The following ZNF366 variants were observed in gnomAD, a reference collection of about 807,000 sequenced individuals.
ZNF366 encodes the protein zinc finger protein 366.
In ZNF366, 20 loss-of-function variants were observed where a neutral mutation model predicts 47.2. The ratio of observed to expected loss-of-function variants is 0.42; its 90% CI spans 0.30 to 0.62. The LOEUF is 0.62. ZNF366 is among the 20% of genes least tolerant of loss of function. The pLI is 0.16. For synonymous variants in ZNF366, 421 were observed against 395.1 expected, an observed-to-expected ratio of 1.07 and a Z score of -0.78; for missense variants, 987 against 976.3, an observed-to-expected ratio of 1.01 and a Z score of -0.15.
intron 1 of ZNF366, among the ~76,000 whole-genome samples, chr5:72,476,782 C>T (rs1743681805): frequency 6.6e-6 from 1 of 152,192 alleles, no homozygotes; most frequent in Admixed American, 6.5e-5. Flanking sequence ...CACATCAAGA[C>T]CCTGCCCAGC....
At chr5:72,445,133 C>A (rs1742933429) in intron 4 of ZNF366, among the ~76,000 whole-genome samples, 1 of 152,206 alleles carries the variant, frequency 6.6e-6, no homozygotes, top group Non-Finnish European at 1.5e-5. Flanking sequence ...CTGTGTCTGA[C>A]CTCCAGTGTC....
At chr5:72,492,721 T>C (rs1295460680) in intron 1 of ZNF366, among the ~76,000 whole-genome samples, 1 of 152,270 alleles carries the variant, frequency 6.6e-6, no homozygotes, top group Non-Finnish European at 1.5e-5. Context: ...GAGCCTGCTA[T>C]GAAAGTTCAT....
intron 1 of ZNF366, among the ~76,000 whole-genome samples, chr5:72,495,683 G>A (rs1249103286): frequency 6.6e-6 from 1 of 152,140 alleles, no homozygotes; most frequent in Non-Finnish European, 1.5e-5. Flanking sequence ...GGCGAGAGAT[G>A]CTCATCCTTA....
intron 2 of ZNF366, among the ~76,000 whole-genome samples, chr5:72,457,971 A>T (rs997300007): frequency 6.6e-6 from 1 of 151,578 alleles, no homozygotes; most frequent in Non-Finnish European, 1.5e-5. Flanking sequence ...TTAATGAAAA[A>T]CATTTTCTTA....
intron 1 of ZNF366, among the ~76,000 whole-genome samples, chr5:72,462,382 G>A (rs1442978980): frequency 6.6e-6 from 1 of 152,114 alleles, no homozygotes; most frequent in Non-Finnish European, 1.5e-5. Context: ...GACTCCTGTG[G>A]TGCCTGACAT....
At chr5:72,466,955 G>C (rs1401490390) in intron 1 of ZNF366, among the ~76,000 whole-genome samples, 2 of 152,174 alleles carry the variant, frequency 1.3e-5, no homozygotes. Flanking sequence ...CTGCAACCCA[G>C]CCAGAAAACA....
chr5:72,458,379 G>C (rs1055783201), intron 2 of ZNF366, among the ~76,000 whole-genome samples: 6 of 152,150 alleles, frequency 3.9e-5, no homozygotes, highest in Admixed American at 3.9e-4. Context: ...CTGAAACCAA[G>C]GAGACGTTTC....
chr5:72,480,363 T>C (rs1409497145), intron 1 of ZNF366, among the ~76,000 whole-genome samples: 1 of 152,200 alleles, frequency 6.6e-6, no homozygotes, highest in Non-Finnish European at 1.5e-5. Flanking sequence ...TTCTTTTAAG[T>C]GCTTTCCCGT....
intron 3 of ZNF366, among the ~76,000 whole-genome samples, chr5:72,456,024 G>A (rs1743175259): frequency 6.6e-6 from 1 of 152,196 alleles, no homozygotes. Context: ...CCTGCTCATT[G>A]CCTTGTAAGG....
In ZNF366 at chr5:72,470,483, C is replaced by T. The variant is rs201947193; in HGVS notation, c.-14-8973G>A. Among the ~76,000 whole-genome samples, 9 of 152,314 alleles carry T rather than the reference C, an allele frequency of 5.9e-5. No individual in the cohort carries two copies. In the East Asian group the frequency reaches 1.7e-3, roughly 29 times the overall value. ...AGTGAACCCCTCACTTCTCTGAAGCCTATCACAATTGTTGGATGTTCCACT... is the reference window on the plus strand; with the variant it reads ...AGTGAACCCCTCACTTCTCTGAAGCTTATCACAATTGTTGGATGTTCCACT... On this transcript the variant is annotated intron_variant, in intron 1 of 4. Coordinates refer to ENST00000318442, the MANE Select transcript of ZNF366 (RefSeq NM_152625.3).
intron 4 of ZNF366, 32 bp from the exon 5 acceptor site, chr5:72,444,323 G>C: frequency 5.1e-6 from 8 of 1,572,502 alleles, no homozygotes; most frequent in Non-Finnish European, 6.9e-6. Flanking sequence ...TCATGCACCT[G>C]AGGAAATGCT....
At chr5:72,499,480 T>C (rs1284305321) in intron 1 of ZNF366, among the ~76,000 whole-genome samples, 2 of 73,754 alleles carry the variant, frequency 2.7e-5, no homozygotes, top group East Asian at 6.5e-4. Context: ...GAATCCTGCC[T>C]TTTTTTTTTT....
At chr5:72,447,967 G>T (rs1742991955) in intron 3 of ZNF366, among the ~76,000 whole-genome samples, 1 of 152,192 alleles carries the variant, frequency 6.6e-6, no homozygotes, top group African/African-American at 2.4e-5. Flanking sequence ...CAGGCCATCA[G>T]ATGCCAGAGA....
chr5:72,463,736 G>A (rs1201349394), intron 1 of ZNF366, among the ~76,000 whole-genome samples: 2 of 152,230 alleles, frequency 1.3e-5, no homozygotes, highest in Non-Finnish European at 2.9e-5. Context: ...TGGGGAAACA[G>A]AGGTTATTTG....
chr5:72,470,948 A>C (rs1401614362), intron 1 of ZNF366, among the ~76,000 whole-genome samples: 1 of 152,212 alleles, frequency 6.6e-6, no homozygotes, highest in African/African-American at 2.4e-5. Flanking sequence ...GTTTCACTGA[A>C]ATAACATAAA....
chr5:72,471,985 C>T (rs558766446), intron 1 of ZNF366, among the ~76,000 whole-genome samples: 1 of 152,256 alleles, frequency 6.6e-6, no homozygotes, highest in East Asian at 1.9e-4. Context: ...TTCACCCAGG[C>T]TTTTTCTTTG....
rs1742895111 is a variant in ZNF366 at position 72,443,426 on chromosome 5, G to A, written c.*330C>T. 4.5e-6 allele frequency: 1 copy of A among 219,800 alleles called. No homozygotes were observed. The highest frequency in any genetic ancestry group is 9.0e-6 in the Non-Finnish European group (1 of 111,598). 13.6% of individuals were successfully genotyped at this position (219,800 alleles called of 1,614,324 possible). A position where few individuals can be genotyped will look rare whatever the true frequency, so the allele number is the denominator to read the frequency against. The stretch of plus-strand genomic sequence containing the variant: ...ATTTTTGCAATTAGAAATTTACCAT[G>A]TATTGCATATGAATCAAAGGAAAGT... On this transcript the variant is annotated 3_prime_UTR_variant, in exon 5 of 5. Coordinates refer to ENST00000318442, the MANE Select transcript of ZNF366 (RefSeq NM_152625.3).
Position 72,441,722 on chromosome 5 carries a change from T to C in ZNF366, c.*2034A>G, listed in dbSNP as rs1742857105. 1 of 152,248 alleles carries C rather than the reference T, an allele frequency of 6.6e-6. No homozygotes were observed. The highest frequency in any genetic ancestry group is 2.4e-5 in the African/African-American group (1 of 41,424). 9.4% of individuals were successfully genotyped at this position (152,248 alleles called of 1,614,324 possible). ...TACAGAAAAGGCCAGCCCCCAGCAG[T>C]TGGAGATGGACATGTCTTCTAAAGG... On this transcript the variant is annotated 3_prime_UTR_variant, in exon 5 of 5. Transcript: ENST00000318442.
intron 1 of ZNF366, among the ~76,000 whole-genome samples, chr5:72,492,201 G>A (rs1744026059): frequency 6.6e-6 from 1 of 152,176 alleles, no homozygotes; most frequent in Non-Finnish European, 1.5e-5. Context: ...GGTAGACATG[G>A]GGCCAGTGAA....
Sources: gnomAD v4.1 joint callset for allele counts (sites outside exome capture counted in the v4.1 genomes callset) on GRCh38, gnomAD v4.1.1 for gene constraint, MANE v1.5 for transcripts, NCBI Gene and HGNC (gene_info 2026-07-23, HGNC 2026-07-21) for gene names.